Variants in HERC2 observed in about 807,000 individuals in gnomAD.
The protein encoded by HERC2 is E3 ubiquitin-protein ligase HERC2.
A neutral mutation model predicts 537.7 loss-of-function variants in HERC2; 102 were observed. The ratio of observed to expected loss-of-function variants is 0.19; its 90% CI spans 0.16 to 0.22. HERC2 has a LOEUF of 0.22. Ranked by LOEUF, HERC2 falls within the 10% of genes least tolerant of loss-of-function variation. HERC2 has a pLI of 1.00. For synonymous variants in HERC2, 2,224 were observed against 2,466.2 expected, an observed-to-expected ratio of 0.90 and a Z score of 2.91; for missense variants, 4,236 against 6,198.2, an observed-to-expected ratio of 0.68 and a Z score of 10.63.
chr15:28,288,545 A>AT (rs2141111008), intron 4 of HERC2, among the ~76,000 whole-genome samples: 1 of 150,072 alleles, frequency 6.7e-6, no homozygotes, highest in South Asian at 2.1e-4. Context: ...CAAAAAAAAA[A>AT]AAAAAAAGAG....
rs761827296 is a variant in HERC2 at position 28,272,259 on chromosome 15, T to C, written c.1039A>G (p.Ile347Val). ...LLPLLQRFQS[I>V]ICRKDAPHSE... ...TGGGGTGCATCCTTCCTGCAAATGATGCTCTGGAACCTTTGCAGCAAGGGC... is the reference window on the plus strand; with the variant it reads ...TGGGGTGCATCCTTCCTGCAAATGACGCTCTGGAACCTTTGCAGCAAGGGC... Residue 347 changes from isoleucine to valine, a missense_variant, in exon 9 of 93, where the codon ATC (isoleucine) becomes GTC (valine). By Grantham distance (29) the Ile-to-Val change is conservative. Around this residue, in one of 27 missense-constraint regions of HERC2, gnomAD observed 491 missense variants for 559.3 expected, o/e 0.88. Transcript: ENST00000261609. 6.2e-7 allele frequency: 1 copy of C among 1,611,530 alleles called. No homozygotes were observed. The highest frequency in any genetic ancestry group is 1.1e-5 in the South Asian group (1 of 90,320).
chr15:28,229,382 C>A (rs1165048805), intron 33 of HERC2, 36 bp from the exon 34 acceptor site: 1 of 1,613,284 alleles, frequency 6.2e-7, no homozygotes, highest in Non-Finnish European at 8.5e-7. Flanking sequence ...ACTTGGGACA[C>A]TGCCAGACTT....
At chr15:28,178,777 A>G (rs1895541403) in intron 59 of HERC2, 110 bp downstream of exon 59, 1 of 1,185,424 alleles carries the variant, frequency 8.4e-7, no homozygotes, top group Admixed American at 2.6e-5. Flanking sequence ...TTTTATTCCT[A>G]CTAAGTAAAA....
intron 26 of HERC2, among the ~76,000 whole-genome samples, chr15:28,234,998 C>T (rs1307505941): frequency 6.6e-6 from 1 of 151,934 alleles, no homozygotes; most frequent in African/African-American, 2.4e-5. Context: ...GTGCGTGGTG[C>T]AAGGCATGGG....
At chr15:28,284,205 T>C (rs1052611862) in intron 4 of HERC2, among the ~76,000 whole-genome samples, 4 of 152,102 alleles carry the variant, frequency 2.6e-5, no homozygotes, top group East Asian at 1.9e-4. Context: ...TCAATCTGTA[T>C]GTAACATATT....
intron 16 of HERC2, among the ~76,000 whole-genome samples, chr15:28,258,823 T>C (rs947690030): frequency 2.0e-5 from 3 of 151,514 alleles, no homozygotes; most frequent in African/African-American, 7.3e-5. Context: ...TCAACAAAAT[T>C]GAAAAACTCT....
intron 86 of HERC2, among the ~76,000 whole-genome samples, chr15:28,119,749 C>T (rs1417027144): frequency 2.0e-5 from 3 of 152,244 alleles, no homozygotes; most frequent in East Asian, 1.9e-4. Flanking sequence ...CCACCACCAA[C>T]GACTAATATA....
At chr15:28,158,502 G>A (rs1893244523) in intron 69 of HERC2, among the ~76,000 whole-genome samples, 1 of 152,118 alleles carries the variant, frequency 6.6e-6, no homozygotes, top group African/African-American at 2.4e-5. Flanking sequence ...GGCCTTCTTT[G>A]TCTCTTTTGA....
chr15:28,183,412 T>C (rs1428663625), intron 56 of HERC2, among the ~76,000 whole-genome samples: 1 of 152,128 alleles, frequency 6.6e-6, no homozygotes, highest in African/African-American at 2.4e-5. Context: ...GGGGTCTCAC[T>C]ATATCGTCAA....
intron 23 of HERC2, among the ~76,000 whole-genome samples, chr15:28,245,566 TACACACAC>T (rs200862998): frequency 0.034 from 4,024 of 119,200 alleles, 234 homozygotes; most frequent in African/African-American, 0.11. Context: ...AAAAAATATA[TACACACAC>T]ACACACACAC....
At chr15:28,181,862 A>G (rs1274905318) in intron 57 of HERC2, among the ~76,000 whole-genome samples, 1 of 152,232 alleles carries the variant, frequency 6.6e-6, no homozygotes, top group Non-Finnish European at 1.5e-5. Flanking sequence ...TTTACTGACA[A>G]GGTGAATGAG....
intron 70 of HERC2, among the ~76,000 whole-genome samples, chr15:28,152,243 G>A (rs1386487589): frequency 5.3e-5 from 8 of 152,238 alleles, no homozygotes; most frequent in Non-Finnish European, 8.8e-5. Context: ...AAAGGCCGGG[G>A]CCTCAACAAT....
chr15:28,240,676 G>C (rs1210396916), intron 23 of HERC2, among the ~76,000 whole-genome samples: 1 of 152,170 alleles, frequency 6.6e-6, no homozygotes, highest in Admixed American at 6.5e-5. Flanking sequence ...ATAATAAAGA[G>C]TATGGCACTG....
intron 2 of HERC2, among the ~76,000 whole-genome samples, chr15:28,307,661 C>T (rs1267106136): frequency 6.6e-6 from 1 of 152,180 alleles, no homozygotes; most frequent in East Asian, 1.9e-4. Context: ...TTCCAAAATT[C>T]CTCGTTATCA....
chr15:28,183,772 T>C (rs1447532100), intron 56 of HERC2, among the ~76,000 whole-genome samples: 1 of 152,208 alleles, frequency 6.6e-6, no homozygotes, highest in African/African-American at 2.4e-5. Context: ...ATATTTACTT[T>C]AAGGGTTCAA....
chr15:28,204,736 A>G (rs1034274994), intron 45 of HERC2, among the ~76,000 whole-genome samples: 6 of 152,162 alleles, frequency 3.9e-5, no homozygotes, highest in African/African-American at 7.2e-5. Context: ...AAAATAAAGT[A>G]TGTCTTGGAT....
chr15:28,122,628 C>T lies in HERC2; in HGVS notation c.13189-1199G>A, dbSNP rs1889047668. Among the ~76,000 whole-genome samples the T allele has an allele frequency of 6.6e-6, 1 of 152,218 alleles. No homozygotes were observed. The highest frequency in any genetic ancestry group is 2.1e-4 in the South Asian group (1 of 4,830). On this transcript the variant is annotated intron_variant, in intron 85 of 92. Transcript: ENST00000261609. The surrounding 1 kb of genome is among the most constrained non-coding windows in gnomAD (Gnocchi z 4.1). ...CCCTCTCCTCCCAGTCACCAGCCCG[C>T]CCACCTTCCTGGAGAGTCCATTTTG...
intron 65 of HERC2, among the ~76,000 whole-genome samples, chr15:28,172,581 C>G (rs891348165): frequency 6.6e-6 from 1 of 152,170 alleles, no homozygotes. Flanking sequence ...CCAAAAAAAG[C>G]CTTTCAATCT....
intron 71 of HERC2, 126 bp from the exon 72 acceptor site, chr15:28,144,930 T>C: frequency 8.1e-7 from 1 of 1,233,116 alleles, no homozygotes; most frequent in South Asian, 1.4e-5. Flanking sequence ...ATCCAAGCTC[T>C]CCCAAGCCGA....
Sources: allele counts gnomAD v4.1 joint callset (sites outside exome capture counted in the v4.1 genomes callset), GRCh38; gene constraint gnomAD v4.1.1; regional missense constraint gnomAD v4.1.1; non-coding constraint Gnocchi (gnomAD v3.1); transcripts MANE v1.5; gene names NCBI Gene and HGNC (gene_info 2026-07-23, HGNC 2026-07-21).